USP48: variants seen among roughly 807,000 people sequenced by gnomAD.
USP48 encodes the protein ubiquitin specific peptidase 48, also known as ubiquitin carboxyl-terminal hydrolase 48.
Under a neutral mutation model 150.7 loss-of-function variants are expected in USP48, and 43 were observed. That is an observed-to-expected ratio of 0.29 (90% CI 0.22 to 0.37). The LOEUF (loss-of-function observed/expected upper bound fraction) is 0.37. Ranked by LOEUF, USP48 falls within the 10% of genes least tolerant of loss-of-function variation. The probability of loss-of-function intolerance (pLI) is 1.00; values close to 1 mark genes in which losing one functional copy is unlikely to be tolerated. For missense variants in USP48, 813 were observed against 1,249.6 expected (o/e 0.65, Z 5.27); for synonymous variants, 396 against 425.9 (o/e 0.93, Z 0.86).
In USP48 at chr1:21,721,179, G is replaced by C; in HGVS notation, c.1764-13C>G. On this transcript the variant is annotated splice_polypyrimidine_tract_variant and intron_variant, in intron 13 of 26. Transcript: ENST00000308271. ...AAATCCATCGCTGCTGTGGAACAGAGAGAATGTTAAATCATATAAGTAATA... is the reference window on the plus strand; with the variant it reads ...AAATCCATCGCTGCTGTGGAACAGACAGAATGTTAAATCATATAAGTAATA... 1 of 1,613,690 alleles carries C rather than the reference G, an allele frequency of 6.2e-7. No homozygotes were observed. Among genetic ancestry groups the C allele is most frequent in the Non-Finnish European group, 8.5e-7 (1 of 1,179,766 alleles).
At chr1:21,732,790 G>A in intron 9 of USP48, 1 of 197,522 alleles carries the variant, frequency 5.1e-6, no homozygotes, top group East Asian at 1.5e-4. Context: ...AAAGGATGCT[G>A]GTGGATATAA....
chr1:21,701,518 T>C lies in USP48; in HGVS notation c.2707A>G (p.Lys903Glu), dbSNP rs1176500839. 3 of 1,613,908 alleles carry C rather than the reference T, an allele frequency of 1.9e-6. No homozygotes were observed. The highest frequency in any genetic ancestry group is 2.2e-5 in the East Asian group (1 of 44,888). Residue 903 changes from lysine to glutamate, a missense_variant, in exon 22 of 27, where the codon AAA becomes GAA. Physicochemically the swap from Lys to Glu is moderately conservative, Grantham distance 56. Coordinates refer to ENST00000308271, the MANE Select transcript of USP48 (RefSeq NM_032236.8). ...DKEEAKPDGEKDPDFNQSNGG... is the reference protein window; with the variant it reads ...DKEEAKPDGEEDPDFNQSNGG... ...CATACTTGATTAAAATCTGGATCTT[T>C]TTCTCCATCTGGTTTAGCTTCTTCC...
At chr1:21,716,861 T>C (rs1245610079) in intron 14 of USP48, among the ~76,000 whole-genome samples, 2 of 151,958 alleles carry the variant, frequency 1.3e-5, no homozygotes, top group Non-Finnish European at 2.9e-5. Flanking sequence ...ACCTCGTCTC[T>C]ACTAAAAATA....
At chr1:21,775,117 C>T (rs1220265854) in intron 1 of USP48, among the ~76,000 whole-genome samples, 1 of 152,036 alleles carries the variant, frequency 6.6e-6, no homozygotes, top group African/African-American at 2.4e-5. Flanking sequence ...TCCTTTGAGA[C>T]AGGGTCTTGC....
At chr1:21,761,117 AAAGG>A (rs1327128549) in intron 1 of USP48, among the ~76,000 whole-genome samples, 5 of 152,098 alleles carry the variant, frequency 3.3e-5, no homozygotes, top group Non-Finnish European at 5.9e-5. Flanking sequence ...AGAAAAAAAA[AAAGG>A]AAGGTACAAA....
intron 1 of USP48, among the ~76,000 whole-genome samples, chr1:21,767,696 T>A (rs1369347066): frequency 2.0e-5 from 3 of 152,074 alleles, no homozygotes; most frequent in Non-Finnish European, 4.4e-5. Context: ...ACAAATAAAT[T>A]GTTTTTAAAG....
intron 1 of USP48, among the ~76,000 whole-genome samples, chr1:21,778,289 T>C (rs2097905178): frequency 6.6e-6 from 1 of 152,026 alleles, no homozygotes; most frequent in African/African-American, 2.4e-5. Flanking sequence ...AAAAAGATGT[T>C]TAACGTGATT....
chr1:21,721,054 C>G lies in USP48; in HGVS notation c.1876G>C (p.Gly626Arg). The G allele has an allele frequency of 6.2e-7, 1 of 1,614,194 alleles. No homozygotes were observed. Among genetic ancestry groups the G allele is most frequent in the Non-Finnish European group, 8.5e-7 (1 of 1,180,038 alleles). Residue 626 changes from glycine (G) to arginine (R), a missense_variant, in exon 14 of 27, where the codon GGT becomes CGT. Physicochemically the swap from Gly to Arg is moderately radical, Grantham distance 125. Transcript: ENST00000308271. ...DAEQSNGKMN[G>R]STLNKDESKE... Reference sequence around the variant, plus strand: ...GTGTTACCTTTATTTAAGGTGCTACCGTTCATCTTTCCGTTGCTTTGTTCT... The same window carrying G: ...GTGTTACCTTTATTTAAGGTGCTACGGTTCATCTTTCCGTTGCTTTGTTCT...
In USP48 at chr1:21,756,672, C is replaced by G. The variant is rs1323641015; in HGVS notation, c.286G>C (p.Ala96Pro). 1 of 1,613,388 alleles carries G rather than the reference C, an allele frequency of 6.2e-7. No homozygotes were observed. The highest frequency in any genetic ancestry group is 8.5e-7 in the Non-Finnish European group (1 of 1,179,836). The change falls in exon 3 of 27, where the codon GCC becomes CCC. Residue 96 changes from alanine to proline, a missense_variant. Coordinates refer to ENST00000308271, the MANE Select transcript of USP48 (RefSeq NM_032236.8). ...AGAAATGTGTTGACATAACAAGTGG[C>G]TCCAAGGTTAGTCAGGCCCACAAAT... ...NSFVGLTNLGATCYVNTFLQV... is the reference protein window; with the variant it reads ...NSFVGLTNLGPTCYVNTFLQV...
At chr1:21,760,691 G>A (rs565952504) in intron 1 of USP48, among the ~76,000 whole-genome samples, 1 of 151,946 alleles carries the variant, frequency 6.6e-6, no homozygotes, top group East Asian at 1.9e-4. Context: ...ACTCCAGCCT[G>A]GGCAACAAGA....
At chr1:21,716,998 A>G (rs887884257) in intron 14 of USP48, among the ~76,000 whole-genome samples, 1 of 152,194 alleles carries the variant, frequency 6.6e-6, no homozygotes, top group Admixed American at 6.5e-5. Context: ...ACTGCACGAC[A>G]GAGCGAGACT....
At chr1:21,712,929 T>C (rs2097694213) in intron 15 of USP48, among the ~76,000 whole-genome samples, 1 of 152,004 alleles carries the variant, frequency 6.6e-6, no homozygotes, top group Non-Finnish European at 1.5e-5. Context: ...CACCCAGTCA[T>C]ACTATCCTTT....
At chr1:21,762,636 G>A (rs1233547472) in intron 1 of USP48, among the ~76,000 whole-genome samples, 1 of 152,134 alleles carries the variant, frequency 6.6e-6, no homozygotes, top group African/African-American at 2.4e-5. Flanking sequence ...GGGAGGCGGA[G>A]GCGGGTGGAT....
At chr1:21,732,942 G>A (rs1311319446) in intron 9 of USP48, 1 of 154,812 alleles carries the variant, frequency 6.5e-6, no homozygotes, top group African/African-American at 2.4e-5. Context: ...TTTAAAATGT[G>A]CAAAGAAAAA....
At chr1:21,693,027 G>C (rs1318971872) in intron 23 of USP48, among the ~76,000 whole-genome samples, 1 of 152,074 alleles carries the variant, frequency 6.6e-6, no homozygotes, top group East Asian at 1.9e-4. Context: ...TGCTATCAGG[G>C]AGTGGCTCTC....
chr1:21,748,897 G>A (rs2097801987), intron 6 of USP48, among the ~76,000 whole-genome samples: 1 of 152,116 alleles, frequency 6.6e-6, no homozygotes, highest in Admixed American at 6.5e-5. Flanking sequence ...GAAACAAAGC[G>A]AGACTCTGTC....
At chr1:21,781,681 C>G (rs2097914944) in intron 1 of USP48, among the ~76,000 whole-genome samples, 1 of 152,202 alleles carries the variant, frequency 6.6e-6, no homozygotes, top group South Asian at 2.1e-4. Context: ...TTGCAGTGAG[C>G]CGAGCTCGTG....
At chr1:21,765,726 A>G (rs1474401465) in intron 1 of USP48, among the ~76,000 whole-genome samples, 2 of 152,016 alleles carry the variant, frequency 1.3e-5, no homozygotes, top group African/African-American at 4.8e-5. Flanking sequence ...TGAGGTCTTA[A>G]AAAGCCAATT....
chr1:21,710,295 CTA>C (rs2097686806), intron 15 of USP48, among the ~76,000 whole-genome samples: 1 of 152,244 alleles, frequency 6.6e-6, no homozygotes, highest in African/African-American at 2.4e-5. Flanking sequence ...AAAGAGAAAT[CTA>C]GTTAACAATG....
Sources: gnomAD v4.1 joint callset for allele counts (sites outside exome capture counted in the v4.1 genomes callset) on GRCh38, gnomAD v4.1.1 for gene constraint, MANE v1.5 for transcripts, NCBI Gene and HGNC (gene_info 2026-07-23, HGNC 2026-07-21) for gene names.